Variants in STK32C observed in about 807,000 individuals in gnomAD.
STK32C encodes the protein serine/threonine kinase 32C.
STK32C carries 31 observed loss-of-function variants against 56.5 expected under a neutral mutation model. That is an observed-to-expected ratio of 0.55 (90% CI 0.41 to 0.74). The LOEUF is 0.74. STK32C is among the 30% of genes least tolerant of loss of function. The pLI, the probability that STK32C is intolerant of heterozygous loss-of-function variation, is 0.00. For synonymous variants in STK32C, 309 were observed against 289.4 expected (o/e 1.07, Z -0.69); for missense variants, 544 against 676.9 (o/e 0.80, Z 2.18).
At position 132,219,117 on chromosome 10, in the gene STK32C, C is replaced by T. The variant is rs535336205; in HGVS notation, c.1251+3524G>A. Among the ~76,000 whole-genome samples, 215 of 152,268 alleles carry T rather than the reference C, an allele frequency of 1.4e-3. 5 individuals carry two copies. The South Asian group carries it at 0.043, about 30-fold the overall frequency. On this transcript the variant is annotated intron_variant, in intron 10 of 11. Coordinates refer to ENST00000298630, the MANE Select transcript of STK32C (RefSeq NM_173575.4). ...ACATTACATGAAAAGGTTCTAAAATCAGATTGTGGTGGAGAATGCACAGCC... is the reference window on the plus strand; with the variant it reads ...ACATTACATGAAAAGGTTCTAAAATTAGATTGTGGTGGAGAATGCACAGCC...
intron 1 of STK32C, among the ~76,000 whole-genome samples, chr10:132,328,139 C>T (rs138052456): frequency 4.6e-5 from 7 of 152,226 alleles, no homozygotes; most frequent in African/African-American, 1.7e-4. Flanking sequence ...TGCAGGAGAC[C>T]GGAGTTCTAC....
exon 2 of STK32C, chr10:132,324,041 A>C (rs2066454190): frequency 1.7e-6 from 1 of 592,630 alleles, no homozygotes; most frequent in South Asian, 2.1e-5. Flanking sequence ...TTAATGGCCT[A>C]ACCACACCTT....
At chr10:132,306,544 G>T (rs973180204) in intron 1 of STK32C, among the ~76,000 whole-genome samples, 7 of 152,200 alleles carry the variant, frequency 4.6e-5, no homozygotes, top group African/African-American at 1.7e-4. Context: ...ACTCACCAAC[G>T]CCGGCCTGAG....
At chr10:132,282,819 A>G (rs940772748) in intron 1 of STK32C, among the ~76,000 whole-genome samples, 9 of 152,236 alleles carry the variant, frequency 5.9e-5, no homozygotes, top group Non-Finnish European at 5.9e-5. Context: ...GCACCCTATT[A>G]GCTGCTGGAG....
chr10:132,244,156 C>T (rs1240568819), intron 2 of STK32C, among the ~76,000 whole-genome samples: 2 of 152,152 alleles, frequency 1.3e-5, no homozygotes, highest in Non-Finnish European at 1.5e-5. Context: ...CCCCTCAGTG[C>T]CAGGCACCCA....
rs78437656 is a variant in STK32C at position 132,253,088 on chromosome 10, G to A, written c.263-7133C>T. 1.7e-3 allele frequency among the ~76,000 whole-genome samples: 263 copies of A among 152,350 alleles called. 1 individual carries two copies. Among genetic ancestry groups the A allele is most frequent in the African/African-American group, 6.1e-3 (254 of 41,586 alleles). On this transcript the variant is annotated intron_variant, in intron 1 of 11. Transcript: ENST00000298630. ...AGCCCAGCACCCAGACAGCAGGGACGTTCGTCCTCCCTAACGCAGCATTTC... is the reference window on the plus strand; with the variant it reads ...AGCCCAGCACCCAGACAGCAGGGACATTCGTCCTCCCTAACGCAGCATTTC...
intron 6 of STK32C, 65 bp from the exon 7 acceptor site, chr10:132,225,401 G>A (rs2062852891): frequency 6.9e-6 from 11 of 1,583,564 alleles, no homozygotes; most frequent in Non-Finnish European, 9.5e-6. Flanking sequence ...TGGGCACAGG[G>A]CCGGCACCTT....
Position 132,273,154 on chromosome 10 carries a change from C to T in STK32C, c.263-27199G>A, listed in dbSNP as rs1261463877. ...TCCTATACATTTACTTAGCTTCACA[C>T]AAATCAGTTCCAATCCACTCAGCCT... On this transcript the variant is annotated intron_variant, in intron 1 of 11. Transcript: ENST00000298630. Among the ~76,000 whole-genome samples the T allele has an allele frequency of 4.6e-5, 7 of 152,306 alleles. No individual in the cohort carries two copies. The East Asian group carries it at 7.7e-4, about 17-fold the overall frequency.
chr10:132,223,397 G>A (rs2062754430), intron 8 of STK32C, among the ~76,000 whole-genome samples: 1 of 152,154 alleles, frequency 6.6e-6, no homozygotes, highest in African/African-American at 2.4e-5. Context: ...GGCCAGATGA[G>A]CCCGGGGCAG....
chr10:132,236,503 G>A (rs1020242827), intron 2 of STK32C, among the ~76,000 whole-genome samples: 11 of 152,218 alleles, frequency 7.2e-5, no homozygotes, highest in African/African-American at 1.9e-4. Flanking sequence ...GCGCAGTGGC[G>A]AGGAAGCTTC....
rs758966640 is a variant in STK32C at position 132,233,993 on chromosome 10, G to A, written c.319-5865C>T. Among the ~76,000 whole-genome samples, 6 of 152,344 alleles carry A rather than the reference G, an allele frequency of 3.9e-5. 2 individuals carry two copies. In the South Asian group the frequency reaches 1.2e-3, roughly 32 times the overall value. On this transcript the variant is annotated intron_variant, in intron 2 of 11. Transcript: ENST00000298630. ...ACTGTGGAACTACTATGGACATACT[G>A]TTTTCTGGTGCTTGCATGCAAGCGA...
chr10:132,265,729 G>A (rs937520351), intron 1 of STK32C, among the ~76,000 whole-genome samples: 23 of 152,222 alleles, frequency 1.5e-4, no homozygotes, highest in African/African-American at 5.1e-4. Flanking sequence ...ATGCTTCACA[G>A]ACGAGAAGCT....
rs1237338651 is a variant in STK32C, at chr10:132,280,232, GCCTCCACACCGTGACCACGCC to G, written c.262+27319_262+27339del. On this transcript the variant is annotated intron_variant, in intron 1 of 11. Transcript: ENST00000298630. ...CCCTGCACTCTGTGATCACGCTGAG[GCCTCCACACCGTGACCACGCC>G]CCTGCACCCCGTGACCACGCCCCTG... Among the ~76,000 whole-genome samples the G allele has an allele frequency of 5.1e-3, 581 of 114,604 alleles. 5 individuals carry two copies. Among genetic ancestry groups the G allele is most frequent in the African/African-American group, 0.019 (552 of 28,532 alleles). The allele number at this position is 114,604 out of a possible 152,430, so 75.2% of individuals were successfully genotyped here. A position where few individuals can be genotyped will look rare whatever the true frequency, so the allele number is the denominator to read the frequency against.
At chr10:132,214,149 GA>G (rs200360607) in intron 10 of STK32C, among the ~76,000 whole-genome samples, 36 of 6,428 alleles carry the variant, frequency 5.6e-3, no homozygotes, top group African/African-American at 0.011. Context: ...CAAACCACAG[GA>G]TCTAAGAAGC....
intron 2 of STK32C, among the ~76,000 whole-genome samples, chr10:132,234,926 T>C (rs201922086): frequency 1.3e-5 from 2 of 152,260 alleles, no homozygotes; most frequent in South Asian, 4.2e-4. Context: ...GATGTGGCTG[T>C]GAAGGGACCT....
intron 1 of STK32C, among the ~76,000 whole-genome samples, chr10:132,326,660 C>A (rs774016777): frequency 2.0e-5 from 3 of 152,216 alleles, no homozygotes; most frequent in Non-Finnish European, 4.4e-5. Context: ...GTGAGTCTGT[C>A]TAACCCCAAA....
At chr10:132,271,420 C>T (rs1396040441) in intron 1 of STK32C, among the ~76,000 whole-genome samples, 1 of 152,228 alleles carries the variant, frequency 6.6e-6, no homozygotes, top group Non-Finnish European at 1.5e-5. Context: ...CCAGAGCCCC[C>T]AGCTCCTTGT....
intron 7 of STK32C, among the ~76,000 whole-genome samples, chr10:132,224,763 G>A (rs1296901117): frequency 2.0e-5 from 3 of 152,128 alleles, no homozygotes; most frequent in Non-Finnish European, 4.4e-5. Flanking sequence ...GGGGGCCTGG[G>A]TCCAGGTAGA....
intron 1 of STK32C, among the ~76,000 whole-genome samples, chr10:132,273,712 A>AGAATGAACACACGGTGAGTGAAT (rs2064906611): frequency 6.6e-6 from 1 of 152,208 alleles, no homozygotes; most frequent in African/African-American, 2.4e-5. Context: ...CGAGTAGATG[A>AGAATGAACACACGGTGAGTGAAT]GAATGAACAC....
Sources: allele counts gnomAD v4.1 joint callset (sites outside exome capture counted in the v4.1 genomes callset), GRCh38; gene constraint gnomAD v4.1.1; transcripts MANE v1.5; gene names NCBI Gene and HGNC (gene_info 2026-07-23, HGNC 2026-07-21).